Variants in HMGN4 observed in about 807,000 individuals in gnomAD.
HMGN4 encodes the protein high mobility group nucleosome-binding domain-containing protein 4.
For synonymous variants in HMGN4, 39 were observed against 39.1 expected (o/e 1.00, Z 0.01); for missense variants, 69 against 104.9 (o/e 0.66, Z 1.49).
At chr6:26,545,104 A>T in intron 1 of HMGN4, 23 bp from the exon 2 acceptor site, 2 of 986,752 alleles carry the variant, frequency 2.0e-6, no homozygotes, top group Non-Finnish European at 2.9e-6. Context: ...TTTATGGTTT[A>T]CGCTTTTTGT....
In HMGN4 at chr6:26,542,076, A is replaced by G. The variant is rs1034895948; in HGVS notation, c.-80-3051A>G. The stretch of plus-strand genomic sequence containing the variant: ...TTCCAAAAGTTGTACAATTACTAGT[A>G]AGATTTATCTGCCAGTTAATAATTT... On this transcript the variant is annotated intron_variant, in intron 1 of 1. Transcript: ENST00000377575. The surrounding 1 kb of genome is among the most constrained non-coding windows in gnomAD (Gnocchi z 4.6). Among the ~76,000 whole-genome samples, 2 of 152,258 alleles carry G rather than the reference A, an allele frequency of 1.3e-5. No individual in the cohort carries two copies. Among genetic ancestry groups the G allele is most frequent in the African/African-American group, 4.8e-5 (2 of 41,466 alleles).
chr6:26,542,190 A>T lies in HMGN4; in HGVS notation c.-80-2937A>T, dbSNP rs1202567355. On this transcript the variant is annotated intron_variant, in intron 1 of 1. Coordinates refer to ENST00000377575, the MANE Select transcript of HMGN4 (RefSeq NM_006353.3). The surrounding 1 kb of genome is among the most constrained non-coding windows in gnomAD (Gnocchi z 4.6). ...ATTTTTTTGAACTCTTAAAATGCGTATTTTTTTTTTACATTAATAGACTTC... is the reference window on the plus strand; with the variant it reads ...ATTTTTTTGAACTCTTAAAATGCGTTTTTTTTTTTTACATTAATAGACTTC... 6.7e-6 allele frequency among the ~76,000 whole-genome samples: 1 copy of T among 149,392 alleles called. No individual in the cohort carries two copies. Among genetic ancestry groups the T allele is most frequent in the African/African-American group, 2.5e-5 (1 of 40,760 alleles).
At position 26,545,271 on chromosome 6, in the gene HMGN4, AGAG is replaced by A. The variant is rs1325178538; in HGVS notation, c.69_71del (p.Arg24del). 4 of 1,614,172 alleles carry A rather than the reference AGAG, an allele frequency of 2.5e-6. No individual in the cohort carries two copies. Among genetic ancestry groups the A allele is most frequent in the South Asian group, 1.1e-5 (1 of 91,078 alleles). On this transcript the variant is annotated inframe_deletion, in exon 2 of 2. Coordinates refer to ENST00000377575, the MANE Select transcript of HMGN4 (RefSeq NM_006353.3). Reference sequence around the variant, plus strand: ...AAAGCAAAGGTGAAGGATGAGCCACAGAGGAGATCAGCTCGGTTGTCTGCTAAA... The same window carrying A: ...AAAGCAAAGGTGAAGGATGAGCCACAGAGATCAGCTCGGTTGTCTGCTAAA...
chr6:26,543,421 C>CTTTTTTTTTTTTTTTTTTTT lies in HMGN4; in HGVS notation c.-80-1688_-80-1687insTTTTTTTTTTTTTTTTTTTT, dbSNP rs70977285. ...CTGTATGTCTCAGTGGCACCATTAC[C>CTTTTTTTTTTTTTTTTTTTT]TTTTTTTTTTTTTTTTTTGAAGCAG... is the stretch of plus-strand genomic sequence containing the variant. On this transcript the variant is annotated intron_variant, in intron 1 of 1. Coordinates refer to ENST00000377575, the MANE Select transcript of HMGN4 (RefSeq NM_006353.3). Among the ~76,000 whole-genome samples, 19 of 80,134 alleles carry CTTTTTTTTTTTTTTTTTTTT rather than the reference C, an allele frequency of 2.4e-4. 2 individuals carry two copies. Among genetic ancestry groups the CTTTTTTTTTTTTTTTTTTTT allele is most frequent in the African/African-American group, 3.4e-4 (6 of 17,692 alleles). 52.6% of individuals were successfully genotyped at this position (80,134 alleles called of 152,430 possible).
At position 26,545,580 on chromosome 6, in the gene HMGN4, T is replaced by A. The variant is rs1259542317; in HGVS notation, c.*101T>A. ...TAAAAGTGTAGAATTTTGGCTTTTT[T>A]AAGTTATGTTGTTAGCACACAGGAC... On this transcript the variant is annotated 3_prime_UTR_variant, in exon 2 of 2. Transcript: ENST00000377575. 12 of 1,173,942 alleles carry A rather than the reference T, an allele frequency of 1.0e-5. No homozygotes were observed. Among genetic ancestry groups the A allele is most frequent in the Middle Eastern group, 2.9e-4 (1 of 3,426 alleles). 72.7% of individuals were successfully genotyped at this position (1,173,942 alleles called of 1,614,324 possible).
intron 1 of HMGN4, among the ~76,000 whole-genome samples, chr6:26,540,463 T>C (rs1297740636): frequency 1.3e-5 from 2 of 152,032 alleles, no homozygotes; most frequent in Non-Finnish European, 2.9e-5. Context: ...GCTTCCCAAG[T>C]AGTTGGGACT....
At position 26,545,643 on chromosome 6, in the gene HMGN4, C is replaced by A; in HGVS notation, c.*164C>A. 1 of 451,354 alleles carries A rather than the reference C, an allele frequency of 2.2e-6. No individual in the cohort carries two copies. Among genetic ancestry groups the A allele is most frequent in the Non-Finnish European group, 3.9e-6 (1 of 256,434 alleles). The allele number at this position is 451,354 out of a possible 1,614,324, so 28.0% of individuals were successfully genotyped here. Reference sequence around the variant, plus strand: ...TCTTTTGTGGAAAGGGCAAGTACCACTAATAGGGTGTATCTCAGAAACTGA... The same window carrying A: ...TCTTTTGTGGAAAGGGCAAGTACCAATAATAGGGTGTATCTCAGAAACTGA... On this transcript the variant is annotated 3_prime_UTR_variant, in exon 2 of 2. Transcript: ENST00000377575.
intron 1 of HMGN4, among the ~76,000 whole-genome samples, chr6:26,539,020 C>T (rs1162794856): frequency 6.6e-6 from 1 of 152,160 alleles, no homozygotes; most frequent in Non-Finnish European, 1.5e-5. Flanking sequence ...AGAAATGGAC[C>T]AGCACTTGTT....
At chr6:26,540,548 G>C (rs781291384) in intron 1 of HMGN4, among the ~76,000 whole-genome samples, 1 of 152,124 alleles carries the variant, frequency 6.6e-6, no homozygotes, top group South Asian at 2.1e-4. Flanking sequence ...TGGCCAGGCT[G>C]GTCTTGAACT....
intron 1 of HMGN4, among the ~76,000 whole-genome samples, chr6:26,544,813 A>G (rs1764328934): frequency 6.6e-6 from 1 of 152,156 alleles, no homozygotes; most frequent in African/African-American, 2.4e-5. Flanking sequence ...TACTTCTTAT[A>G]TATTTTTAGG....
rs1439388707 is a variant in HMGN4 at position 26,546,223 on chromosome 6, CAT to C, written c.*748_*749del. Reference sequence around the variant, plus strand: ...GAAAGTAAATGTTTTTAAAAAGTATCATATAAAGCTGAATACAAATTGGTTTG... The same window carrying C: ...GAAAGTAAATGTTTTTAAAAAGTATCATAAAGCTGAATACAAATTGGTTTG... On this transcript the variant is annotated 3_prime_UTR_variant, in exon 2 of 2. Coordinates refer to ENST00000377575, the MANE Select transcript of HMGN4 (RefSeq NM_006353.3). 6.6e-5 allele frequency: 11 copies of C among 167,022 alleles called. No individual in the cohort carries two copies. The highest frequency in any genetic ancestry group is 2.7e-4 in the African/African-American group (11 of 41,426). 10.3% of individuals were successfully genotyped at this position (167,022 alleles called of 1,614,324 possible). A position where few individuals can be genotyped will look rare whatever the true frequency, so the allele number is the denominator to read the frequency against.
Position 26,540,645 on chromosome 6 carries a change from A to C in HMGN4, c.-81+2144A>C, listed in dbSNP as rs138736208. Among the ~76,000 whole-genome samples, 29 of 152,162 alleles carry C rather than the reference A, an allele frequency of 1.9e-4. No homozygotes were observed. The East Asian group carries it at 5.6e-3, about 29-fold the overall frequency. ...CACCACGCCCAGCATTTGCCTGTGC[A>C]TTTTTTATTGTATTTTAATTATATC... On this transcript the variant is annotated intron_variant, in intron 1 of 1. Coordinates refer to ENST00000377575, the MANE Select transcript of HMGN4 (RefSeq NM_006353.3).
chr6:26,545,736 C>A lies in HMGN4; in HGVS notation c.*257C>A. On this transcript the variant is annotated 3_prime_UTR_variant, in exon 2 of 2. Coordinates refer to ENST00000377575, the MANE Select transcript of HMGN4 (RefSeq NM_006353.3). ...AGATTGTTCTTGATTCCCTTGATTCCCAGGAGAGATTCTCTGACATTCACG... is the reference window on the plus strand; with the variant it reads ...AGATTGTTCTTGATTCCCTTGATTCACAGGAGAGATTCTCTGACATTCACG... 4.3e-6 allele frequency: 1 copy of A among 233,026 alleles called. No individual in the cohort carries two copies. The highest frequency in any genetic ancestry group is 9.0e-6 in the Non-Finnish European group (1 of 111,640). 14.4% of individuals were successfully genotyped at this position (233,026 alleles called of 1,614,324 possible).
chr6:26,540,080 G>A (rs1048013174), intron 1 of HMGN4: 1 of 152,166 alleles, frequency 6.6e-6, no homozygotes, highest in African/African-American at 2.4e-5. Context: ...GGGAGCTTAT[G>A]GCTCACTCCT....
intron 1 of HMGN4, 56 bp from the exon 2 acceptor site, chr6:26,545,071 G>T: frequency 3.2e-6 from 2 of 627,684 alleles, no homozygotes; most frequent in South Asian, 8.6e-5. Context: ...GATTTTTAAC[G>T]TTTACATTCG....
chr6:26,544,500 T>A (rs990461883), intron 1 of HMGN4, among the ~76,000 whole-genome samples: 1 of 152,226 alleles, frequency 6.6e-6, no homozygotes, highest in African/African-American at 2.4e-5. Flanking sequence ...TTTGGGTGAT[T>A]TACAGGTTTT....
chr6:26,543,716 G>A (rs1764315191), intron 1 of HMGN4, among the ~76,000 whole-genome samples: 2 of 126,082 alleles, frequency 1.6e-5, no homozygotes, highest in East Asian at 2.6e-4. Flanking sequence ...AGCCGAGATC[G>A]CACCACTGCA....
rs1320502381 is a variant in HMGN4, at chr6:26,545,399, G to A, written c.193G>A (p.Asp65Asn). Residue 65 changes from aspartate (D) to asparagine (N), a missense_variant, in exon 2 of 2, where the codon GAT becomes AAT. By Grantham distance (23) the Asp-to-Asn change is conservative. Transcript: ENST00000377575. ...AAAGGGGAAAGCAGATGCTGGAAAG[G>A]ATGGGAACAACCCTGCAAAAAACCG... ...GRKGKADAGK[D>N]GNNPAKNRDA... is the part of the protein sequence containing the mutation. 6.2e-7 allele frequency: 1 copy of A among 1,613,770 alleles called. No homozygotes were observed. The highest frequency in any genetic ancestry group is 8.5e-7 in the Non-Finnish European group (1 of 1,179,924).
intron 1 of HMGN4, among the ~76,000 whole-genome samples, chr6:26,539,428 C>T (rs189282561): frequency 6.1e-4 from 93 of 152,040 alleles, no homozygotes; most frequent in Admixed American, 2.0e-3. Context: ...TAACACTACA[C>T]CCGGATAATT....
Sources: allele counts gnomAD v4.1 joint callset (sites outside exome capture counted in the v4.1 genomes callset), GRCh38; gene constraint gnomAD v4.1.1; non-coding constraint Gnocchi (gnomAD v3.1); transcripts MANE v1.5; gene names NCBI Gene and HGNC (gene_info 2026-07-23, HGNC 2026-07-21).